Variants in KBTBD2 observed in about 807,000 individuals in gnomAD.
KBTBD2 encodes the protein kelch repeat and BTB domain containing 2, also known as kelch repeat and BTB domain-containing protein 2.
In KBTBD2, 17 loss-of-function variants were observed where a neutral mutation model predicts 57.1. The ratio of observed to expected loss-of-function variants is 0.30; its 90% CI spans 0.20 to 0.45. KBTBD2 has a LOEUF of 0.45. Among genes scored for constraint, KBTBD2 ranks in the 20% least tolerant of loss-of-function variants. The pLI is 1.00. For synonymous variants in KBTBD2, 267 were observed against 262.7 expected (o/e 1.02, Z -0.16); for missense variants, 515 against 750.6 (o/e 0.69, Z 3.67).
At chr7:32,871,507 T>A (rs1784176239) in intron 3 of KBTBD2, among the ~76,000 whole-genome samples, 1 of 152,064 alleles carries the variant, frequency 6.6e-6, no homozygotes, top group African/African-American at 2.4e-5. Context: ...TTGAATCAGA[T>A]GTGCTACCCA....
chr7:32,877,036 TGA>T (rs1247280342), intron 2 of KBTBD2, among the ~76,000 whole-genome samples: 1 of 111,504 alleles, frequency 9.0e-6, no homozygotes, highest in Non-Finnish European at 1.7e-5. Context: ...TTTCTTTTTT[TGA>T]GACAGAGTCT....
At chr7:32,885,908 A>AT (rs1562537979) in intron 1 of KBTBD2, among the ~76,000 whole-genome samples, 47 of 40,600 alleles carry the variant, frequency 1.2e-3, no homozygotes, top group African/African-American at 4.1e-3. Flanking sequence ...CTGTCTACAC[A>AT]CTTTTTTTTT....
At position 32,891,659 on chromosome 7, in the gene KBTBD2, C is replaced by T. The variant is rs999170505; in HGVS notation, c.-462G>A. 3 of 151,216 alleles carry T rather than the reference C, an allele frequency of 2.0e-5. No homozygotes were observed. Among genetic ancestry groups the T allele is most frequent in the Non-Finnish European group, 2.9e-5 (2 of 67,936 alleles). 9.4% of individuals were successfully genotyped at this position (151,216 alleles called of 1,614,324 possible). ...CGCGGCCTCGCCTGGGGTCTCGCCT[C>T]CGCCTCCGGCCGAGGAAGGCTGGCG... On this transcript the variant is annotated 5_prime_UTR_variant, in exon 1 of 4. Transcript: ENST00000304056.
At chr7:32,890,986 C>T (rs903202472) in intron 1 of KBTBD2, 6 of 152,172 alleles carry the variant, frequency 3.9e-5, no homozygotes, top group African/African-American at 1.2e-4. Context: ...CACAATTTTC[C>T]GTTTCAAAGG....
intron 3 of KBTBD2, 44 bp from the exon 4 acceptor site, chr7:32,870,924 C>T (rs1011688147): frequency 1.4e-5 from 17 of 1,211,070 alleles, no homozygotes; most frequent in Non-Finnish European, 1.9e-5. Flanking sequence ...AGGGCCAGGA[C>T]AGACACATTT....
chr7:32,889,971 G>T (rs1425961540), intron 1 of KBTBD2, among the ~76,000 whole-genome samples: 1 of 152,166 alleles, frequency 6.6e-6, no homozygotes, highest in East Asian at 1.9e-4. Context: ...GGAGGAGCAT[G>T]GACATATGTA....
intron 1 of KBTBD2, among the ~76,000 whole-genome samples, chr7:32,887,283 C>T (rs561885459): frequency 6.6e-6 from 1 of 152,282 alleles, no homozygotes; most frequent in South Asian, 2.1e-4. Flanking sequence ...TACAAAGTTT[C>T]CATTGGACAG....
chr7:32,870,539 T>A lies in KBTBD2; in HGVS notation c.678A>T (p.Ser226=). 6.2e-7 allele frequency: 1 copy of A among 1,614,184 alleles called. No homozygotes were observed. Among genetic ancestry groups the A allele is most frequent in the Non-Finnish European group, 8.5e-7 (1 of 1,180,022 alleles). Residue 226 remains serine, a synonymous_variant, in exon 4 of 4, where the codon TCA becomes TCT. Transcript: ENST00000304056. The stretch of plus-strand genomic sequence containing the variant: ...GAAACCAAGCTCTCTGTGTTACTTC[T>A]GAAAGTGCATCAATTCTGATTTGGC... ...VLSQIRIDAL[S]EVTQRAWFQG...
rs1364225814 is a variant in KBTBD2, at chr7:32,869,629, T to C, written c.1588A>G (p.Ile530Val). ...ATAAACACACATAGAGAATTTGAGA[T>C]CACAACAGCTCTAACACAGGGGTCA... ...YSDPCVRAVV[I>V]SNSLCVFMRE... Residue 530 changes from isoleucine to valine, a missense_variant, in exon 4 of 4, where the codon ATC becomes GTC. By Grantham distance (29) the Ile-to-Val change is conservative (BLOSUM62 3). Transcript: ENST00000304056. 6.2e-7 allele frequency: 1 copy of C among 1,614,004 alleles called. No individual in the cohort carries two copies. The highest frequency in any genetic ancestry group is 8.5e-7 in the Non-Finnish European group (1 of 1,180,018).
At chr7:32,888,407 G>A (rs1435138319) in intron 1 of KBTBD2, among the ~76,000 whole-genome samples, 1 of 151,928 alleles carries the variant, frequency 6.6e-6, no homozygotes, top group South Asian at 2.1e-4. Flanking sequence ...ACAAGAGATG[G>A]GTGCTAGAAA....
chr7:32,888,523 G>C (rs1784639028), intron 1 of KBTBD2, among the ~76,000 whole-genome samples: 1 of 151,546 alleles, frequency 6.6e-6, no homozygotes, highest in Non-Finnish European at 1.5e-5. Context: ...ATTTTCTGGA[G>C]TTGTGACAGG....
At chr7:32,875,379 C>A (rs1388777281) in intron 2 of KBTBD2, among the ~76,000 whole-genome samples, 1 of 152,112 alleles carries the variant, frequency 6.6e-6, no homozygotes, top group Non-Finnish European at 1.5e-5. Context: ...TCAAACGATT[C>A]TCCTCAGTCT....
chr7:32,884,252 C>G (rs1322361015), intron 1 of KBTBD2, among the ~76,000 whole-genome samples: 3 of 152,126 alleles, frequency 2.0e-5, no homozygotes, highest in African/African-American at 7.2e-5. Context: ...CTGGCTCATG[C>G]CTGTACTCCC....
At chr7:32,888,902 A>G (rs532211265) in intron 1 of KBTBD2, among the ~76,000 whole-genome samples, 1 of 152,316 alleles carries the variant, frequency 6.6e-6, no homozygotes, top group Non-Finnish European at 1.5e-5. Flanking sequence ...AAAATTAAAC[A>G]AGAACATAAA....
Position 32,876,879 on chromosome 7 carries a change from C to T in KBTBD2, c.171-1722G>A, listed in dbSNP as rs111449844. 9.3e-4 allele frequency among the ~76,000 whole-genome samples: 141 copies of T among 152,172 alleles called. 1 individual carries two copies. The highest frequency in any genetic ancestry group is 3.3e-3 in the African/African-American group (136 of 41,528). On this transcript the variant is annotated intron_variant, in intron 2 of 3. Coordinates refer to ENST00000304056, the MANE Select transcript of KBTBD2 (RefSeq NM_015483.3). ...GGCTGAGGCAGGAAAATCACTTGAA[C>T]CCGGGAGGCAGAGGTTGCAGTGAGC...
chr7:32,890,163 A>C (rs1177276958), intron 1 of KBTBD2, among the ~76,000 whole-genome samples: 1 of 152,246 alleles, frequency 6.6e-6, no homozygotes, highest in African/African-American at 2.4e-5. Context: ...GAGCATGCTC[A>C]ACAGAAAGGC....
intron 1 of KBTBD2, among the ~76,000 whole-genome samples, chr7:32,889,505 G>T (rs979142773): frequency 1.3e-5 from 2 of 152,062 alleles, no homozygotes; most frequent in African/African-American, 2.4e-5. Flanking sequence ...GGAGGCTGAA[G>T]CAGGAGAATC....
chr7:32,883,130 G>C (rs905004306), intron 1 of KBTBD2, among the ~76,000 whole-genome samples: 2 of 152,114 alleles, frequency 1.3e-5, no homozygotes, highest in Non-Finnish European at 2.9e-5. Context: ...CAGCACTTTG[G>C]GAGGCCTAGG....
At chr7:32,889,389 T>A (rs995418441) in intron 1 of KBTBD2, among the ~76,000 whole-genome samples, 1 of 151,386 alleles carries the variant, frequency 6.6e-6, no homozygotes, top group Non-Finnish European at 1.5e-5. Flanking sequence ...GATCACGAGG[T>A]CAGGAGCTCG....
Sources: allele counts gnomAD v4.1 joint callset (sites outside exome capture counted in the v4.1 genomes callset), GRCh38; gene constraint gnomAD v4.1.1; transcripts MANE v1.5; gene names NCBI Gene and HGNC (gene_info 2026-07-23, HGNC 2026-07-21).